Variants in PCDHGA3 observed in about 807,000 individuals in gnomAD.
PCDHGA3 encodes the protein protocadherin gamma-A3.
In PCDHGA3, 40 loss-of-function variants were observed where a neutral mutation model predicts 58.5. That is an observed-to-expected ratio of 0.68 (90% confidence interval 0.53 to 0.89). The LOEUF is 0.89. Among genes scored for constraint, PCDHGA3 ranks in the 40% least tolerant of loss-of-function variants. The pLI is 0.00. For synonymous variants in PCDHGA3, 530 were observed against 525.7 expected (o/e 1.01, Z -0.11); for missense variants, 1,223 against 1,195.9 (o/e 1.02, Z -0.33).
At chr5:141,415,695 T>C (rs1284418994) in intron 1 of PCDHGA3, 1 of 1,537,350 alleles carries the variant, frequency 6.5e-7, no homozygotes, top group South Asian at 1.2e-5. Context: ...TGGTGGAAAG[T>C]GTAAATGCTA....
intron 1 of PCDHGA3, chr5:141,430,576 T>G (rs767759432): frequency 3.3e-5 from 15 of 459,492 alleles, no homozygotes; most frequent in Non-Finnish European, 5.5e-5. Flanking sequence ...AAAGCGGAGA[T>G]CCTGCTCGCC....
chr5:141,472,268 A>G (rs399559), intron 1 of PCDHGA3, among the ~76,000 whole-genome samples: 152,324 of 152,332 alleles, frequency 1, 76,158 homozygotes, highest in Middle Eastern at 1. Flanking sequence ...ATAGCCGGGC[A>G]CAGTGGCTCA....
intron 1 of PCDHGA3, among the ~76,000 whole-genome samples, chr5:141,483,725 C>T (rs903001715): frequency 1.3e-5 from 2 of 152,008 alleles, no homozygotes; most frequent in Non-Finnish European, 1.5e-5. Context: ...TGGTTCCCAC[C>T]ATAGTCAAAA....
rs1368226100 is a variant in PCDHGA3, at chr5:141,511,268, C to T, written c.*95C>T. The stretch of plus-strand genomic sequence containing the variant: ...CAGGCCTCAGAGTTTCAGGGCTAAC[C>T]CCCAGAATACTGGTAGGGGCCAAGG... On this transcript the variant is annotated 3_prime_UTR_variant, in exon 4 of 4. Coordinates refer to ENST00000253812, the MANE Select transcript of PCDHGA3 (RefSeq NM_018916.4). 1.9e-6 allele frequency: 3 copies of T among 1,546,408 alleles called. No individual in the cohort carries two copies. The highest frequency in any genetic ancestry group is 2.4e-5 in the East Asian group (1 of 41,246).
intron 1 of PCDHGA3, among the ~76,000 whole-genome samples, chr5:141,380,158 T>C (rs939673033): frequency 6.6e-6 from 1 of 151,976 alleles, no homozygotes; most frequent in Non-Finnish European, 1.5e-5. Flanking sequence ...CCTCAGCCTC[T>C]CAAAGGGCTG....
At position 141,485,299 on chromosome 5, in the gene PCDHGA3, G is replaced by A; in HGVS notation, c.2425-9508G>A. On this transcript the variant is annotated intron_variant, in intron 1 of 3. Coordinates refer to ENST00000253812, the MANE Select transcript of PCDHGA3 (RefSeq NM_018916.4). The surrounding 1 kb of genome is among the most constrained non-coding windows in gnomAD (Gnocchi z 5.7). ...CGGTCCCAGAGGAGTCACAGGAAGG[G>A]ACTTTTGTAGGGAATGTCGCTCAAG... 1 of 1,614,180 alleles carries A rather than the reference G, an allele frequency of 6.2e-7. No individual in the cohort carries two copies. Among genetic ancestry groups the A allele is most frequent in the Non-Finnish European group, 8.5e-7 (1 of 1,180,012 alleles).
In PCDHGA3 at chr5:141,343,908, T is replaced by C; in HGVS notation, c.-126T>C. 1.1e-6 allele frequency: 1 copy of C among 877,684 alleles called. No homozygotes were observed. Among genetic ancestry groups the C allele is most frequent in the Non-Finnish European group, 1.7e-6 (1 of 586,010 alleles). 54.4% of individuals were successfully genotyped at this position (877,684 alleles called of 1,614,324 possible). A position where few individuals can be genotyped will look rare whatever the true frequency, so the allele number is the denominator to read the frequency against. ...CGGGGCGGCTGCCAACCTCACCTCT[T>C]AGTCAACCAGCTGTTTGACCTGTGA... On this transcript the variant is annotated 5_prime_UTR_variant, in exon 1 of 4. Transcript: ENST00000253812.
rs578223384 is a variant in PCDHGA3 at position 141,400,070 on chromosome 5, C to T, written c.2424+53613C>T. Reference sequence around the variant, plus strand: ...GTTGCTGTGCGTGATGGTGGACAGCCGCCACTCTCCGCCACCGCCACGCTG... The same window carrying T: ...GTTGCTGTGCGTGATGGTGGACAGCTGCCACTCTCCGCCACCGCCACGCTG... On this transcript the variant is annotated intron_variant, in intron 1 of 3. Coordinates refer to ENST00000253812, the MANE Select transcript of PCDHGA3 (RefSeq NM_018916.4). 1.2e-6 allele frequency: 2 copies of T among 1,613,922 alleles called. No individual in the cohort carries two copies. Among genetic ancestry groups the T allele is most frequent in the African/African-American group, 1.3e-5 (1 of 75,062 alleles).
intron 1 of PCDHGA3, chr5:141,366,529 G>A (rs748780311): frequency 6.2e-6 from 10 of 1,614,120 alleles, no homozygotes; most frequent in Non-Finnish European, 4.2e-6. Flanking sequence ...GCAGGTTGGC[G>A]GGTGTGCCCG....
At chr5:141,427,461 G>A (rs1397917549) in intron 1 of PCDHGA3, 1 of 497,998 alleles carries the variant, frequency 2.0e-6, no homozygotes, top group Admixed American at 2.3e-5. Context: ...TTTTAGAATC[G>A]AATCTTCCGC....
At position 141,482,089 on chromosome 5, in the gene PCDHGA3, CAAA is replaced by C. The variant is rs36035257; in HGVS notation, c.2425-12704_2425-12702del. 2.7e-4 allele frequency among the ~76,000 whole-genome samples: 36 copies of C among 134,496 alleles called. No individual in the cohort carries two copies. The East Asian group carries it at 3.5e-3, about 13-fold the overall frequency. The allele number at this position is 134,496 out of a possible 152,430, so 88.2% of individuals were successfully genotyped here. On this transcript the variant is annotated intron_variant, in intron 1 of 3. Coordinates refer to ENST00000253812, the MANE Select transcript of PCDHGA3 (RefSeq NM_018916.4). ...AACAAGAACAAAACTCACTCCATCTCAAAAAAAAAAAAAAAATATCTAGAGATG... is the reference window on the plus strand; with the variant it reads ...AACAAGAACAAAACTCACTCCATCTCAAAAAAAAAAAAATATCTAGAGATG...
chr5:141,367,006 C>A (rs1157671027), intron 1 of PCDHGA3: 2 of 429,920 alleles, frequency 4.7e-6, no homozygotes, highest in Non-Finnish European at 4.0e-6. Flanking sequence ...ATCATTTTAC[C>A]CAAATATTTT....
chr5:141,374,853 TAGGCACACCAGTGTTG>T, intron 1 of PCDHGA3: 1 of 1,613,796 alleles, frequency 6.2e-7, no homozygotes, highest in Non-Finnish European at 8.5e-7. Context: ...AACCTGCCAG[TAGGCACACCAGTGTTG>T]GCAGTGACTG....
chr5:141,458,413 G>T lies in PCDHGA3; in HGVS notation c.2425-36394G>T, dbSNP rs138479316. On this transcript the variant is annotated intron_variant, in intron 1 of 3. Coordinates refer to ENST00000253812, the MANE Select transcript of PCDHGA3 (RefSeq NM_018916.4). ...TCCCCCTTGCAGAGACGGAGCGGGG[G>T]TTCCAAAGCTGAAAGAGGAGGTCCC... Among the ~76,000 whole-genome samples the T allele has an allele frequency of 9.0e-4, 137 of 152,196 alleles. 5 individuals carry two copies. The East Asian group carries it at 0.026, about 28-fold the overall frequency.
At chr5:141,497,092 G>C (rs2099773958) in intron 2 of PCDHGA3, among the ~76,000 whole-genome samples, 1 of 152,092 alleles carries the variant, frequency 6.6e-6, no homozygotes, top group Admixed American at 6.5e-5. Flanking sequence ...AGGAGGCTGA[G>C]GCAGAACTGC....
In PCDHGA3 at chr5:141,485,470, T is replaced by C; in HGVS notation, c.2425-9337T>C. ...ACCGAGAGGCACTGTGTGGGCTCAG[T>C]GCCAGCTGCATCGTGCCCCTGGAGT... On this transcript the variant is annotated intron_variant, in intron 1 of 3. Coordinates refer to ENST00000253812, the MANE Select transcript of PCDHGA3 (RefSeq NM_018916.4). This position sits in a 1 kb window ranked among gnomAD's most constrained non-coding sequence, Gnocchi z 5.7. 1.9e-6 allele frequency: 3 copies of C among 1,614,110 alleles called. No individual in the cohort carries two copies. The highest frequency in any genetic ancestry group is 2.5e-6 in the Non-Finnish European group (3 of 1,180,002).
intron 1 of PCDHGA3, chr5:141,390,422 G>A: frequency 9.3e-7 from 1 of 1,071,928 alleles, no homozygotes; most frequent in South Asian, 1.6e-5. Flanking sequence ...CAGTTAAAAA[G>A]CTGTCATATC....
chr5:141,432,084 T>A lies in PCDHGA3; in HGVS notation c.2425-62723T>A, dbSNP rs1372151428. 1.2e-6 allele frequency: 2 copies of A among 1,614,186 alleles called. No individual in the cohort carries two copies. Among genetic ancestry groups the A allele is most frequent in the Admixed American group, 1.7e-5 (1 of 60,022 alleles). On this transcript the variant is annotated intron_variant, in intron 1 of 3. Transcript: ENST00000253812. This position sits in a 1 kb window ranked among gnomAD's most constrained non-coding sequence, Gnocchi z 6.0. Reference sequence around the variant, plus strand: ...ACGGAAACTCATATCTCGCTGAACGTGGCAGACACCAACGACAACCCGCCG... The same window carrying A: ...ACGGAAACTCATATCTCGCTGAACGAGGCAGACACCAACGACAACCCGCCG...
At chr5:141,467,630 T>A (rs1483747040) in intron 1 of PCDHGA3, among the ~76,000 whole-genome samples, 2 of 152,194 alleles carry the variant, frequency 1.3e-5, no homozygotes, top group African/African-American at 4.8e-5. Flanking sequence ...TGAGATAGCA[T>A]CTTTATCATG....
Sources: allele counts gnomAD v4.1 joint callset (sites outside exome capture counted in the v4.1 genomes callset), GRCh38; gene constraint gnomAD v4.1.1; non-coding constraint Gnocchi (gnomAD v3.1); transcripts MANE v1.5; gene names NCBI Gene and HGNC (gene_info 2026-07-23, HGNC 2026-07-21).